The following DYNC2H1 variants were observed in gnomAD, a reference collection of about 807,000 sequenced individuals.
The protein encoded by DYNC2H1 is dynein cytoplasmic 2 heavy chain 1, also known as cytoplasmic dynein 2 heavy chain 1.
A neutral mutation model predicts 570.0 loss-of-function variants in DYNC2H1; 410 were observed. The ratio of observed to expected loss-of-function variants is 0.72; its 90% CI spans 0.66 to 0.78. The LOEUF (loss-of-function observed/expected upper bound fraction) is 0.78, where lower values mean the gene tolerates loss of function less well. DYNC2H1 is among the 30% of genes least tolerant of loss of function. DYNC2H1 has a pLI of 0.00. For synonymous variants in DYNC2H1, 1,688 were observed against 1,677.6 expected, an observed-to-expected ratio of 1.01 and a Z score of -0.15; for missense variants, 4,865 against 5,046.4, an observed-to-expected ratio of 0.96 and a Z score of 1.09.
chr11:103,220,648 C>T lies in DYNC2H1; in HGVS notation c.8972C>T (p.Ala2991Val). Residue 2991 changes from alanine to valine, a missense_variant, in exon 57 of 89, where the codon GCA becomes GTA. Around this residue, in one of 5 missense-constraint regions of DYNC2H1, gnomAD observed 2,401 missense variants for 2,454.6 expected, o/e 0.98. Transcript: ENST00000375735. The part of the protein sequence containing the change: ...VQPLVNEAKL[A>V]VGNIKPESLS... ...CCTTTAGTCAATGAAGCTAAACTAG[C>T]AGTTGGAAACATTAAGCCCGAATCA... 6.2e-7 allele frequency: 1 copy of T among 1,609,700 alleles called. No homozygotes were observed. The highest frequency in any genetic ancestry group is 8.5e-7 in the Non-Finnish European group (1 of 1,177,946).
At position 103,201,109 on chromosome 11, in the gene DYNC2H1, G is replaced by A. The variant is rs1862702376; in HGVS notation, c.8197+955G>A. Among the ~76,000 whole-genome samples the A allele has an allele frequency of 6.6e-6, 1 of 152,104 alleles. No homozygotes were observed. The highest frequency in any genetic ancestry group is 2.1e-4 in the South Asian group (1 of 4,824). The stretch of plus-strand genomic sequence containing the variant: ...CCCAAAGTGCTGGGATTACAGATGT[G>A]AGCCACCGCGTCTGGCCAGTAATCT... On this transcript the variant is annotated intron_variant, in intron 50 of 88. Coordinates refer to ENST00000375735, the MANE Select transcript of DYNC2H1 (RefSeq NM_001377.3). This position sits in a 1 kb window ranked among gnomAD's most constrained non-coding sequence, Gnocchi z 4.8.
intron 80 of DYNC2H1, among the ~76,000 whole-genome samples, chr11:103,318,369 T>C (rs2135431703): frequency 6.6e-6 from 1 of 152,300 alleles, no homozygotes; most frequent in East Asian, 1.9e-4. Flanking sequence ...TAGATTACTT[T>C]TGCCTGTTTT....
chr11:103,265,161 T>C lies in DYNC2H1; in HGVS notation c.10695+5184T>C, dbSNP rs921442705. On this transcript the variant is annotated intron_variant, in intron 70 of 88. Coordinates refer to ENST00000375735, the MANE Select transcript of DYNC2H1 (RefSeq NM_001377.3). ...TCACACGTAGGTAGGAGTTGAACAA[T>C]AAGAACACATGGACACAGAGAGGGG... Among the ~76,000 whole-genome samples the C allele has an allele frequency of 2.6e-5, 4 of 152,120 alleles. No homozygotes were observed. In the East Asian group the frequency reaches 7.7e-4, roughly 29 times the overall value.
chr11:103,367,477 T>C (rs1940961937), intron 83 of DYNC2H1, among the ~76,000 whole-genome samples: 1 of 152,114 alleles, frequency 6.6e-6, no homozygotes. Context: ...CCACACATTG[T>C]AATTGTACAT....
At chr11:103,449,158 G>A (rs1437379822) in intron 85 of DYNC2H1, among the ~76,000 whole-genome samples, 1 of 152,144 alleles carries the variant, frequency 6.6e-6, no homozygotes, top group Non-Finnish European at 1.5e-5. Context: ...GGCAAAAAGG[G>A]TTTTTTGAGA....
chr11:103,451,323 G>GTTTTTTTTT (rs1237889193), intron 85 of DYNC2H1, among the ~76,000 whole-genome samples: 1 of 111,626 alleles, frequency 9.0e-6, no homozygotes, highest in Non-Finnish European at 1.7e-5. Flanking sequence ...GAGTAAAAGG[G>GTTTTTTTTT]CTTTTTTTTT....
At chr11:103,220,365 T>C (rs1355403983) in intron 56 of DYNC2H1, among the ~76,000 whole-genome samples, 1 of 152,194 alleles carries the variant, frequency 6.6e-6, no homozygotes, top group Admixed American at 6.5e-5. Context: ...AAGAGCCTCT[T>C]GAAAATGACA....
rs1355237880 is a variant in DYNC2H1, at chr11:103,145,826, T to A, written c.2703-1946T>A. Among the ~76,000 whole-genome samples the A allele has an allele frequency of 1.3e-5, 2 of 152,244 alleles. No homozygotes were observed. The highest frequency in any genetic ancestry group is 4.8e-5 in the African/African-American group (2 of 41,466). On this transcript the variant is annotated intron_variant, in intron 18 of 88. Transcript: ENST00000375735. The surrounding 1 kb of genome is among the most constrained non-coding windows in gnomAD (Gnocchi z 4.2). ...GTCATCTTCCATTTCTATCTATGGC[T>A]GAACAGAATCTCAGTTTCATATTGT... is the stretch of plus-strand genomic sequence containing the variant.
At position 103,134,353 on chromosome 11, in the gene DYNC2H1, G is replaced by A. The variant is rs779685392; in HGVS notation, c.2139G>A (p.Arg713=). 1.2e-6 allele frequency: 2 copies of A among 1,612,516 alleles called. No individual in the cohort carries two copies. The highest frequency in any genetic ancestry group is 2.2e-5 in the South Asian group (2 of 90,860). The change falls in exon 15 of 89, where the codon CGG becomes CGA. Residue 713 remains arginine, a synonymous_variant. Coordinates refer to ENST00000375735, the MANE Select transcript of DYNC2H1 (RefSeq NM_001377.3). ...TTCTTATGAATATTGATCTGCTTCG[G>A]CAGCAACAGCGCTGGAAAGATGGAT... ...VVVLMNIDLL[R]QQQRWKDGLQ... is the part of the protein sequence containing the mutation.
In DYNC2H1 at chr11:103,189,654, A is replaced by G; in HGVS notation, c.7293-18A>G. On this transcript the variant is annotated intron_variant, in intron 44 of 88. Coordinates refer to ENST00000375735, the MANE Select transcript of DYNC2H1 (RefSeq NM_001377.3). This position sits in a 1 kb window ranked among gnomAD's most constrained non-coding sequence, Gnocchi z 4.3. The stretch of plus-strand genomic sequence containing the variant: ...ACTGATTTATTTCAGCTTTCTTCTT[A>G]TATGCCATTTTTTTTAGTTACCCAG... The G allele has an allele frequency of 1.2e-6, 2 of 1,608,928 alleles. No individual in the cohort carries two copies. Among genetic ancestry groups the G allele is most frequent in the East Asian group, 2.2e-5 (1 of 44,706 alleles).
chr11:103,359,205 T>A (rs1166452470), intron 83 of DYNC2H1, among the ~76,000 whole-genome samples: 3 of 152,242 alleles, frequency 2.0e-5, no homozygotes, highest in Admixed American at 6.5e-5. Context: ...ACAACTTATA[T>A]CTCTGTTTTT....
In DYNC2H1 at chr11:103,280,525, A is replaced by C. The variant is rs1219590942; in HGVS notation, c.10761+112A>C. On this transcript the variant is annotated intron_variant, in intron 71 of 88. Transcript: ENST00000375735. The surrounding 1 kb of genome is among the most constrained non-coding windows in gnomAD (Gnocchi z 4.7). ...GCTAGAAATTATATATCAACCTATT[A>C]ATCTTTTACTAAGTTAGAAATGTAG... The C allele has an allele frequency of 5.4e-6, 5 of 932,088 alleles. No homozygotes were observed. The highest frequency in any genetic ancestry group is 4.9e-6 in the Non-Finnish European group (3 of 609,328). 57.7% of individuals were successfully genotyped at this position (932,088 alleles called of 1,614,324 possible). A position where few individuals can be genotyped will look rare whatever the true frequency, so the allele number is the denominator to read the frequency against.
intron 70 of DYNC2H1, among the ~76,000 whole-genome samples, chr11:103,267,961 G>C (rs957784104): frequency 2.6e-5 from 4 of 151,844 alleles, no homozygotes; most frequent in Non-Finnish European, 5.9e-5. Flanking sequence ...TTTATAATAT[G>C]ACCATGTACT....
Position 103,153,355 on chromosome 11 carries a change from A to T in DYNC2H1, c.3149A>T (p.Glu1050Val). ...VKSRLQIYYQELEKFKARWDQ... is the reference protein window; with the variant it reads ...VKSRLQIYYQVLEKFKARWDQ... ...TCACGTCTTCAGATCTATTATCAAGAACTGGAAAAATTTAAAGCTCGTTGG... is the reference window on the plus strand; with the variant it reads ...TCACGTCTTCAGATCTATTATCAAGTACTGGAAAAATTTAAAGCTCGTTGG... Residue 1050 changes from glutamate to valine, a missense_variant, in exon 22 of 89, where the codon GAA (glutamate) becomes GTA (valine). By Grantham distance (121) the Glu-to-Val change is moderately radical. Around this residue, in one of 5 missense-constraint regions of DYNC2H1, gnomAD observed 1,936 missense variants for 1,962.1 expected, o/e 0.99. Coordinates refer to ENST00000375735, the MANE Select transcript of DYNC2H1 (RefSeq NM_001377.3). 6.5e-7 allele frequency: 1 copy of T among 1,548,304 alleles called. No individual in the cohort carries two copies. Among genetic ancestry groups the T allele is most frequent in the Non-Finnish European group, 8.7e-7 (1 of 1,146,088 alleles).
intron 68 of DYNC2H1, among the ~76,000 whole-genome samples, chr11:103,257,325 A>T (rs1483994637): frequency 6.6e-6 from 1 of 152,196 alleles, no homozygotes; most frequent in Non-Finnish European, 1.5e-5. Flanking sequence ...AATTTCTGCT[A>T]TATAAAAGCA....
At chr11:103,320,872 T>TA (rs779560642) in intron 80 of DYNC2H1, among the ~76,000 whole-genome samples, 157 bp from the exon 81 acceptor site, 2 of 152,212 alleles carry the variant, frequency 1.3e-5, no homozygotes, top group African/African-American at 4.8e-5. Context: ...TTTACTTGAT[T>TA]AAAAAATCTC....
At chr11:103,358,069 T>C (rs1213330442) in intron 82 of DYNC2H1, among the ~76,000 whole-genome samples, 174 bp from the exon 83 acceptor site, 1 of 152,214 alleles carries the variant, frequency 6.6e-6, no homozygotes, top group Non-Finnish European at 1.5e-5. Context: ...ACTGCTTAAA[T>C]AAAACAGTAA....
chr11:103,205,113 A>C lies in DYNC2H1; in HGVS notation c.8454+149A>C. The stretch of plus-strand genomic sequence containing the variant: ...GTTTGGAAATGTCTGTTTTCTTCGT[A>C]CTCTTGCATCATAATTTAGTTGAAT... On this transcript the variant is annotated intron_variant, in intron 52 of 88. Coordinates refer to ENST00000375735, the MANE Select transcript of DYNC2H1 (RefSeq NM_001377.3). The surrounding 1 kb of genome is among the most constrained non-coding windows in gnomAD (Gnocchi z 4.5). The C allele has an allele frequency of 1.3e-6, 1 of 742,634 alleles. No individual in the cohort carries two copies. The highest frequency in any genetic ancestry group is 3.3e-5 in the Admixed American group (1 of 29,942). 46.0% of individuals were successfully genotyped at this position (742,634 alleles called of 1,614,324 possible).
chr11:103,133,578 GA>G lies in DYNC2H1; in HGVS notation c.1980del (p.Lys660AsnfsTer4). The G allele has an allele frequency of 6.2e-7, 1 of 1,609,654 alleles. No individual in the cohort carries two copies. Among genetic ancestry groups the G allele is most frequent in the East Asian group, 2.2e-5 (1 of 44,788 alleles). Reference sequence around the variant, plus strand: ...AGAATTCAAAAGCAGGAAGTGGAGGGAAATCACAGATAACTTGGGATAATCC... The same window carrying G: ...AGAATTCAAAAGCAGGAAGTGGAGGGAATCACAGATAACTTGGGATAATCC... The part of the protein sequence containing the change: ...IKNSKAGSGG[K>X]SQITWDNPKE... On this transcript the variant is annotated frameshift_variant, in exon 14 of 89. Coordinates refer to ENST00000375735, the MANE Select transcript of DYNC2H1 (RefSeq NM_001377.3). LOFTEE classifies it high-confidence loss of function. The surrounding 1 kb of genome is among the most constrained non-coding windows in gnomAD (Gnocchi z 4.8).
Sources: gnomAD v4.1 joint callset for allele counts (sites outside exome capture counted in the v4.1 genomes callset) on GRCh38, gnomAD v4.1.1 for gene constraint, gnomAD v4.1.1 regional missense constraint, Gnocchi (gnomAD v3.1) non-coding constraint, MANE v1.5 for transcripts, NCBI Gene and HGNC (gene_info 2026-07-23, HGNC 2026-07-21) for gene names.